Variants in KLHL20 observed in about 807,000 individuals in gnomAD.
KLHL20 encodes the protein kelch like family member 20.
In KLHL20, 29 loss-of-function variants were observed where a neutral mutation model predicts 69.5. The ratio of observed to expected loss-of-function variants is 0.42; its 90% CI spans 0.31 to 0.57. The LOEUF (loss-of-function observed/expected upper bound fraction) is 0.57. Ranked by LOEUF, KLHL20 falls within the 20% of genes least tolerant of loss-of-function variation. KLHL20 has a pLI of 0.18. For synonymous variants in KLHL20, 253 were observed against 265.2 expected, an observed-to-expected ratio of 0.95 and a Z score of 0.45; for missense variants, 419 against 776.0, an observed-to-expected ratio of 0.54 and a Z score of 5.47.
chr1:173,750,291 C>T (rs1558202068), intron 3 of KLHL20, among the ~76,000 whole-genome samples: 3 of 151,948 alleles, frequency 2.0e-5, no homozygotes, highest in Admixed American at 1.3e-4. Flanking sequence ...CTAATGCACT[C>T]GAGAATATTT....
In KLHL20 at chr1:173,738,329, C is replaced by T. The variant is rs532411951; in HGVS notation, c.597+4043C>T. ...GACTACAGATGCGCACCATCATGCC[C>T]GGCTAATTTTTGTATTTTTCTGTAG... On this transcript the variant is annotated intron_variant, in intron 3 of 11. Coordinates refer to ENST00000209884, the MANE Select transcript of KLHL20 (RefSeq NM_014458.4). 5.3e-5 allele frequency among the ~76,000 whole-genome samples: 8 copies of T among 152,142 alleles called. No individual in the cohort carries two copies. The South Asian group carries it at 6.2e-4, about 12-fold the overall frequency.
intron 2 of KLHL20, among the ~76,000 whole-genome samples, chr1:173,725,979 G>T (rs1270801013): frequency 6.6e-6 from 1 of 152,198 alleles, no homozygotes; most frequent in East Asian, 1.9e-4. Context: ...CAAGGGGTCA[G>T]GGAATTCCCT....
chr1:173,751,732 A>ATTT, intron 3 of KLHL20, 32 bp from the exon 4 acceptor site: 1 of 1,594,856 alleles, frequency 6.3e-7, no homozygotes, highest in Non-Finnish European at 8.6e-7. Context: ...TGATCACAGG[A>ATTT]TTTTTTTTTC....
rs891420009 is a variant in KLHL20, at chr1:173,774,534, T to C, written c.1429+96T>C. On this transcript the variant is annotated intron_variant, in intron 9 of 11. Coordinates refer to ENST00000209884, the MANE Select transcript of KLHL20 (RefSeq NM_014458.4). ...CGTGTAGAAACTCCAGGTTATCCTA[T>C]AATTTACTAGGAAAATGCCTGATTT... 4.2e-5 allele frequency: 59 copies of C among 1,391,150 alleles called. No individual in the cohort carries two copies. In the African/African-American group the frequency reaches 8.0e-4, roughly 19 times the overall value. The allele number at this position is 1,391,150 out of a possible 1,614,324, so 86.2% of individuals were successfully genotyped here. A position where few individuals can be genotyped will look rare whatever the true frequency, so the allele number is the denominator to read the frequency against.
intron 11 of KLHL20, among the ~76,000 whole-genome samples, chr1:173,783,976 G>T (rs1426258340): frequency 1.3e-5 from 2 of 152,102 alleles, no homozygotes; most frequent in Non-Finnish European, 2.9e-5. Flanking sequence ...CTACTAGGGA[G>T]GCTGAGGCAT....
intron 7 of KLHL20, among the ~76,000 whole-genome samples, chr1:173,764,099 A>T (rs1345911603): frequency 6.6e-6 from 1 of 152,244 alleles, no homozygotes; most frequent in East Asian, 1.9e-4. Flanking sequence ...GAAGATGTAC[A>T]AATTGCCAAC....
At chr1:173,731,115 A>C (rs1242945876) in intron 2 of KLHL20, among the ~76,000 whole-genome samples, 7 of 152,212 alleles carry the variant, frequency 4.6e-5, no homozygotes, top group Admixed American at 2.6e-4. Flanking sequence ...CACATGAAAA[A>C]ATGCTCATCA....
At chr1:173,718,665 C>G (rs1436006522) in intron 2 of KLHL20, among the ~76,000 whole-genome samples, 1 of 152,060 alleles carries the variant, frequency 6.6e-6, no homozygotes, top group Non-Finnish European at 1.5e-5. Flanking sequence ...GAGTTCGAGG[C>G]TGTGGTGATC....
intron 7 of KLHL20, among the ~76,000 whole-genome samples, chr1:173,764,068 G>A (rs112550833): frequency 0.013 from 1,914 of 152,160 alleles, 40 homozygotes; most frequent in African/African-American, 0.041. Context: ...GGCTAAGGAC[G>A]TGAATAAACA....
intron 3 of KLHL20, among the ~76,000 whole-genome samples, chr1:173,751,399 A>G (rs113390734): frequency 0.014 from 2,091 of 152,214 alleles, 48 homozygotes; most frequent in African/African-American, 0.046. Context: ...TGCCCTAGAC[A>G]CTGCCTATTC....
At chr1:173,765,783 A>G (rs1647665261) in intron 7 of KLHL20, among the ~76,000 whole-genome samples, 1 of 152,198 alleles carries the variant, frequency 6.6e-6, no homozygotes, top group East Asian at 1.9e-4. Flanking sequence ...CAAAGAAAAC[A>G]TGCTTGCATA....
chr1:173,718,317 T>G (rs1447766697), intron 2 of KLHL20, among the ~76,000 whole-genome samples: 1 of 151,674 alleles, frequency 6.6e-6, no homozygotes, highest in African/African-American at 2.4e-5. Flanking sequence ...GGTGGGCTGA[T>G]CCCTTGAGCC....
intron 3 of KLHL20, among the ~76,000 whole-genome samples, chr1:173,743,807 T>G (rs1053861104): frequency 6.6e-6 from 1 of 152,128 alleles, no homozygotes; most frequent in Non-Finnish European, 1.5e-5. Flanking sequence ...TTTTAATATT[T>G]TCTGGAATTC....
chr1:173,760,782 AC>A (rs1175879208), intron 7 of KLHL20, among the ~76,000 whole-genome samples: 1 of 152,220 alleles, frequency 6.6e-6, no homozygotes, highest in Non-Finnish European at 1.5e-5. Context: ...CATAAATCAC[AC>A]AGTACCCATA....
At chr1:173,740,802 T>C (rs868236585) in intron 3 of KLHL20, among the ~76,000 whole-genome samples, 5 of 152,048 alleles carry the variant, frequency 3.3e-5, no homozygotes, top group Middle Eastern at 3.4e-3. Context: ...CCGTGTCGTA[T>C]CTGCACTTCT....
chr1:173,729,053 G>T (rs537139930), intron 2 of KLHL20, among the ~76,000 whole-genome samples: 5 of 152,200 alleles, frequency 3.3e-5, no homozygotes, highest in Admixed American at 2.6e-4. Context: ...TATCACCACC[G>T]ATCCCACAGA....
chr1:173,747,857 A>G, intron 3 of KLHL20, among the ~76,000 whole-genome samples: 1 of 151,932 alleles, frequency 6.6e-6, no homozygotes, highest in East Asian at 1.9e-4. Flanking sequence ...GAAGGAAGAA[A>G]ATAATAAAGA....
chr1:173,765,811 G>A (rs1373220413), intron 7 of KLHL20, among the ~76,000 whole-genome samples: 2 of 152,086 alleles, frequency 1.3e-5, no homozygotes, highest in Non-Finnish European at 2.9e-5. Flanking sequence ...ATATATATAT[G>A]TGGATACATA....
intron 3 of KLHL20, among the ~76,000 whole-genome samples, chr1:173,738,037 A>G (rs1342170183): frequency 1.3e-5 from 2 of 150,928 alleles, no homozygotes; most frequent in Non-Finnish European, 2.9e-5. Context: ...TAGCAGTACT[A>G]CTGGTTTGTG....
Sources: allele counts gnomAD v4.1 joint callset (sites outside exome capture counted in the v4.1 genomes callset), GRCh38; gene constraint gnomAD v4.1.1; transcripts MANE v1.5; gene names NCBI Gene and HGNC (gene_info 2026-07-23, HGNC 2026-07-21).